The following NCOR2 variants were observed in gnomAD, a reference collection of about 807,000 sequenced individuals.
NCOR2 encodes the protein CTG repeat protein 26.
NCOR2 carries 81 observed loss-of-function variants against 262.9 expected under a neutral mutation model. That is an observed-to-expected ratio of 0.31 (90% CI 0.26 to 0.37). The LOEUF (loss-of-function observed/expected upper bound fraction) is 0.37. Among genes scored for constraint, NCOR2 ranks in the 10% least tolerant of loss-of-function variants. The pLI, the probability that NCOR2 is intolerant of heterozygous loss-of-function variation, is 1.00. For synonymous variants in NCOR2, 1,659 were observed against 1,559.3 expected, an observed-to-expected ratio of 1.06 and a Z score of -1.51; for missense variants, 3,385 against 3,621.4, an observed-to-expected ratio of 0.93 and a Z score of 1.68.
At chr12:124,407,479 G>A (rs1050713971) in intron 13 of NCOR2, among the ~76,000 whole-genome samples, 1 of 152,198 alleles carries the variant, frequency 6.6e-6, no homozygotes, top group East Asian at 1.9e-4. Flanking sequence ...AGAAATACAG[G>A]AGGCATTCTG....
chr12:124,514,709 G>A (rs1214876810), intron 1 of NCOR2: 2 of 151,884 alleles, frequency 1.3e-5, no homozygotes, highest in Non-Finnish European at 2.9e-5. Context: ...TAGGCATGGT[G>A]GTATGCGCCT....
At chr12:124,417,095 C>CGGAGAGCAAGCCGGACAGTCACTCCAT (rs2042926910) in intron 13 of NCOR2, among the ~76,000 whole-genome samples, 2 of 115,344 alleles carry the variant, frequency 1.7e-5, no homozygotes, top group South Asian at 6.1e-4. Context: ...AGTCACTCCA[C>CGGAGAGCAAGCCGGACAGTCACTCCAT]GGAGAGCAGG....
intron 16 of NCOR2, among the ~76,000 whole-genome samples, chr12:124,394,139 G>A (rs111844168): frequency 0.016 from 2,403 of 152,362 alleles, 57 homozygotes; most frequent in African/African-American, 0.053. Flanking sequence ...TAGGGAGCAG[G>A]GTCTGGAGAC....
At chr12:124,567,087 AG>A (rs1263712784) in intron 1 of NCOR2, among the ~76,000 whole-genome samples, 1 of 138,860 alleles carries the variant, frequency 7.2e-6, no homozygotes, top group Non-Finnish European at 1.5e-5. Context: ...CTCGCTAGGG[AG>A]CTGGAGTTCC....
At chr12:124,479,714 A>G (rs750410688) in intron 3 of NCOR2, among the ~76,000 whole-genome samples, 1 of 152,246 alleles carries the variant, frequency 6.6e-6, no homozygotes, top group Non-Finnish European at 1.5e-5. Context: ...ACAAAACAAA[A>G]GAGGAGAAAG....
intron 8 of NCOR2, among the ~76,000 whole-genome samples, chr12:124,436,079 A>G (rs1054048555): frequency 3.9e-5 from 6 of 152,192 alleles, no homozygotes; most frequent in Non-Finnish European, 8.8e-5. Flanking sequence ...AGGTCTGAGG[A>G]CAGGGCCCGT....
At chr12:124,474,318 C>T (rs1252094213) in intron 3 of NCOR2, among the ~76,000 whole-genome samples, 15 of 152,250 alleles carry the variant, frequency 9.9e-5, no homozygotes. Flanking sequence ...GTTATCTCGG[C>T]AGCAGGGCAG....
chr12:124,446,470 C>G (rs2045179121), intron 7 of NCOR2, among the ~76,000 whole-genome samples: 1 of 152,122 alleles, frequency 6.6e-6, no homozygotes, highest in Admixed American at 6.5e-5. Flanking sequence ...CTCTCCCTTG[C>G]CTACCTCCTT....
In NCOR2 at chr12:124,457,480, G is replaced by C. The variant is rs116978434; in HGVS notation, c.706-318C>G. Among the ~76,000 whole-genome samples the C allele has an allele frequency of 3.2e-4, 49 of 152,034 alleles. No homozygotes were observed. Among genetic ancestry groups the C allele is most frequent in the Admixed American group, 3.1e-3 (48 of 15,280 alleles). ...CCCAGGGCCCAGCGACGTGGGCACC[G>C]CTCCCCACCAGCCCAGCCGACACTG... On this transcript the variant is annotated intron_variant, in intron 5 of 46. Transcript: ENST00000405201. The surrounding 1 kb of genome is among the most constrained non-coding windows in gnomAD (Gnocchi z 4.0).
At chr12:124,391,768 C>T (rs1173303237) in intron 16 of NCOR2, among the ~76,000 whole-genome samples, 2 of 152,262 alleles carry the variant, frequency 1.3e-5, no homozygotes, top group African/African-American at 4.8e-5. Flanking sequence ...AAAGCTACGT[C>T]TTCTCCCAGC....
At chr12:124,333,999 T>TGTGCGG (rs1566354368) in intron 41 of NCOR2, among the ~76,000 whole-genome samples, 1 of 150,904 alleles carries the variant, frequency 6.6e-6, no homozygotes, top group Admixed American at 6.6e-5. Context: ...CATGTGTGTG[T>TGTGCGG]GTGCGCATGT....
At chr12:124,394,869 T>C (rs2136167947) in intron 16 of NCOR2, among the ~76,000 whole-genome samples, 1 of 152,334 alleles carries the variant, frequency 6.6e-6, no homozygotes. Flanking sequence ...TGAATCCCAC[T>C]GTACAGATGA....
At chr12:124,518,709 G>A (rs563306134) in intron 1 of NCOR2, among the ~76,000 whole-genome samples, 32 of 152,364 alleles carry the variant, frequency 2.1e-4, no homozygotes, top group South Asian at 2.1e-4. Context: ...GCCGACACTC[G>A]GGAGCTGAAA....
chr12:124,362,366 T>A lies in NCOR2; in HGVS notation c.2929-69A>T, dbSNP rs1020838030. The A allele has an allele frequency of 3.1e-6, 4 of 1,298,922 alleles. No individual in the cohort carries two copies. The African/African-American group carries it at 6.0e-5, about 19-fold the overall frequency. 80.5% of individuals were successfully genotyped at this position (1,298,922 alleles called of 1,614,324 possible). A position where few individuals can be genotyped will look rare whatever the true frequency, so the allele number is the denominator to read the frequency against. On this transcript the variant is annotated intron_variant, in intron 21 of 46. Transcript: ENST00000405201. ...AAAGTGACAGGGTCAGGGAGAGACA[T>A]GCACGCGACCAGCCTGGAAACCAAG...
At chr12:124,369,919 A>C (rs2039351068) in intron 20 of NCOR2, among the ~76,000 whole-genome samples, 1 of 152,086 alleles carries the variant, frequency 6.6e-6, no homozygotes. Flanking sequence ...ACAGGATGCA[A>C]GCTGATCCCC....
intron 1 of NCOR2, among the ~76,000 whole-genome samples, chr12:124,501,110 G>A (rs541357865): frequency 2.0e-4 from 29 of 142,676 alleles, no homozygotes; most frequent in African/African-American, 7.6e-4. Context: ...ACACACACTC[G>A]ACAGAACCCT....
In NCOR2 at chr12:124,489,456, C is replaced by T. The variant is rs1004933392; in HGVS notation, c.106-2888G>A. Among the ~76,000 whole-genome samples, 4 of 152,290 alleles carry T rather than the reference C, an allele frequency of 2.6e-5. No homozygotes were observed. In the South Asian group the frequency reaches 6.2e-4, roughly 24 times the overall value. ...GTCACACAGCAATAAGGGGTACGTTCTGAGATGCAAGGCAAAGGCTGAGCT... is the reference window on the plus strand; with the variant it reads ...GTCACACAGCAATAAGGGGTACGTTTTGAGATGCAAGGCAAAGGCTGAGCT... On this transcript the variant is annotated intron_variant, in intron 1 of 46. Transcript: ENST00000405201.
rs1479322721 is a variant in NCOR2, at chr12:124,326,449, G to A, written c.7184-79C>T. 4 of 1,338,766 alleles carry A rather than the reference G, an allele frequency of 3.0e-6. No individual in the cohort carries two copies. The African/African-American group carries it at 6.0e-5, about 20-fold the overall frequency. The allele number at this position is 1,338,766 out of a possible 1,614,324, so 82.9% of individuals were successfully genotyped here. On this transcript the variant is annotated intron_variant, in intron 45 of 46. Transcript: ENST00000405201. ...ACGCTACGGTGGGGCCACAGGGGCA[G>A]GGTGAGGTCCTGCCATGGGCCCTCC...
intron 17 of NCOR2, among the ~76,000 whole-genome samples, chr12:124,381,201 C>T (rs2040384746): frequency 6.6e-6 from 1 of 152,120 alleles, no homozygotes; most frequent in African/African-American, 2.4e-5. Context: ...GACTGTGCTA[C>T]AAACACACTG....
Sources: gnomAD v4.1 joint callset for allele counts (sites outside exome capture counted in the v4.1 genomes callset) on GRCh38, gnomAD v4.1.1 for gene constraint, Gnocchi (gnomAD v3.1) non-coding constraint, MANE v1.5 for transcripts, NCBI Gene and HGNC (gene_info 2026-07-23, HGNC 2026-07-21) for gene names.